Variants in CLMN observed in about 807,000 individuals in gnomAD.
CLMN encodes the protein calmin (calponin-like, transmembrane).
CLMN carries 57 observed loss-of-function variants against 92.7 expected under a neutral mutation model. The ratio of observed to expected loss-of-function variants is 0.61; its 90% CI spans 0.50 to 0.77. The LOEUF is 0.77. CLMN is among the 30% of genes least tolerant of loss of function. The pLI is 0.00. For synonymous variants in CLMN, 466 were observed against 470.6 expected, an observed-to-expected ratio of 0.99 and a Z score of 0.13; for missense variants, 1,158 against 1,237.5, an observed-to-expected ratio of 0.94 and a Z score of 0.96.
intron 2 of CLMN, among the ~76,000 whole-genome samples, chr14:95,225,889 G>C (rs576451225): frequency 1.3e-5 from 2 of 152,206 alleles, no homozygotes; most frequent in African/African-American, 2.4e-5. Context: ...GGTTCCACAC[G>C]GTATCTGCTA....
rs917961164 is a variant in CLMN, at chr14:95,219,323, C to T, written c.324+2368G>A. ...CAATACGGTGGAAGGAAGAGCAGCACGAATCTGAGGAGGCTGTTTGAAGGC... is the reference window on the plus strand; with the variant it reads ...CAATACGGTGGAAGGAAGAGCAGCATGAATCTGAGGAGGCTGTTTGAAGGC... On this transcript the variant is annotated intron_variant, in intron 4 of 12. Coordinates refer to ENST00000298912, the MANE Select transcript of CLMN (RefSeq NM_024734.4). 3.3e-5 allele frequency among the ~76,000 whole-genome samples: 5 copies of T among 152,160 alleles called. No individual in the cohort carries two copies. The East Asian group carries it at 7.7e-4, about 23-fold the overall frequency.
intron 1 of CLMN, among the ~76,000 whole-genome samples, chr14:95,233,704 C>A (rs1354095305): frequency 6.6e-6 from 1 of 152,188 alleles, no homozygotes; most frequent in African/African-American, 2.4e-5. Context: ...TGACTTCAGA[C>A]CCCGTGAGGT....
chr14:95,278,454 A>G (rs1900017167), intron 1 of CLMN, among the ~76,000 whole-genome samples: 1 of 151,984 alleles, frequency 6.6e-6, no homozygotes, highest in African/African-American at 2.4e-5. Context: ...ATGAGAGGAC[A>G]TAAGATAATT....
At chr14:95,245,282 AGTTTT>A (rs146369862) in intron 1 of CLMN, among the ~76,000 whole-genome samples, 1,918 of 74,456 alleles carry the variant, frequency 0.026, 81 homozygotes, top group African/African-American at 0.083. Context: ...ATATATATAT[AGTTTT>A]GTTTTGTTTT....
At position 95,191,721 on chromosome 14, in the gene CLMN, C is replaced by T; in HGVS notation, c.2852G>A (p.Ser951Asn). Residue 951 changes from serine to asparagine, a missense_variant, in exon 13 of 13, where the codon AGC becomes AAC. Transcript: ENST00000298912. The surrounding 1 kb of genome is among the most constrained non-coding windows in gnomAD (Gnocchi z 5.3). ...CCCCAGTGACATGGCTTCTCCTGAGCTGTTGGCCTTCCTACAGAAGAAACA... is the reference window on the plus strand; with the variant it reads ...CCCCAGTGACATGGCTTCTCCTGAGTTGTTGGCCTTCCTACAGAAGAAACA... ...RNRILTRKAN[S>N]SGEAMSLGSH... 6.2e-7 allele frequency: 1 copy of T among 1,606,256 alleles called. No individual in the cohort carries two copies. The highest frequency in any genetic ancestry group is 8.5e-7 in the Non-Finnish European group (1 of 1,177,712).
chr14:95,249,897 G>A (rs957700588), intron 1 of CLMN, among the ~76,000 whole-genome samples: 5 of 152,148 alleles, frequency 3.3e-5, no homozygotes, highest in Admixed American at 2.0e-4. Context: ...CCATTTCCCA[G>A]CCTTCTTGCA....
chr14:95,210,095 C>T (rs1182298182), intron 7 of CLMN, among the ~76,000 whole-genome samples: 1 of 152,138 alleles, frequency 6.6e-6, no homozygotes, highest in African/African-American at 2.4e-5. Context: ...CTCTGTCGCC[C>T]AGGCTGGAGT....
At chr14:95,201,155 T>C (rs991257431) in intron 9 of CLMN, among the ~76,000 whole-genome samples, 1 of 151,744 alleles carries the variant, frequency 6.6e-6, no homozygotes, top group African/African-American at 2.4e-5. Context: ...ACTTAAAGTA[T>C]AATAAAAAAA....
At chr14:95,297,918 T>C (rs1391810477) in intron 1 of CLMN, among the ~76,000 whole-genome samples, 1 of 152,106 alleles carries the variant, frequency 6.6e-6, no homozygotes, top group Non-Finnish European at 1.5e-5. Flanking sequence ...CCATTTCCCT[T>C]GGCAAATACC....
At chr14:95,274,059 C>T (rs1354444497) in intron 1 of CLMN, among the ~76,000 whole-genome samples, 1 of 152,142 alleles carries the variant, frequency 6.6e-6, no homozygotes, top group Non-Finnish European at 1.5e-5. Flanking sequence ...TGTCATTACC[C>T]GGGTTCTGGC....
At position 95,191,841 on chromosome 14, in the gene CLMN, C is replaced by A; in HGVS notation, c.2841-109G>T. On this transcript the variant is annotated intron_variant, in intron 12 of 12. Coordinates refer to ENST00000298912, the MANE Select transcript of CLMN (RefSeq NM_024734.4). The surrounding 1 kb of genome is among the most constrained non-coding windows in gnomAD (Gnocchi z 5.3). Reference sequence around the variant, plus strand: ...CGGCCCCCACTCCCCGCCTGAAGACCCGAAGGCTCCCCAGCACCATGTCCA... The same window carrying A: ...CGGCCCCCACTCCCCGCCTGAAGACACGAAGGCTCCCCAGCACCATGTCCA... 3 of 1,030,064 alleles carry A rather than the reference C, an allele frequency of 2.9e-6. No individual in the cohort carries two copies. Among genetic ancestry groups the A allele is most frequent in the Non-Finnish European group, 4.2e-6 (3 of 716,090 alleles). The allele number at this position is 1,030,064 out of a possible 1,614,324, so 63.8% of individuals were successfully genotyped here.
At chr14:95,229,948 T>A (rs1897830953) in intron 2 of CLMN, 124 bp downstream of exon 2, 2 of 911,476 alleles carry the variant, frequency 2.2e-6, no homozygotes, top group East Asian at 5.1e-5. Flanking sequence ...GAGGCACTTA[T>A]AAATGTTTAA....
chr14:95,202,924 G>T lies in CLMN; in HGVS notation c.2425C>A (p.Pro809Thr). 6.2e-7 allele frequency: 1 copy of T among 1,608,852 alleles called. No homozygotes were observed. The highest frequency in any genetic ancestry group is 8.5e-7 in the Non-Finnish European group (1 of 1,178,182). ...YLSRGGVGTTPASEPAPLAPH... is the reference protein window; with the variant it reads ...YLSRGGVGTTTASEPAPLAPH... ...GCCAGTGGAGCGGGTTCTGAGGCTG[G>T]TGTGGTACCCACACCACCCCTGCTG... Residue 809 changes from proline (P) to threonine (T), a missense_variant, in exon 9 of 13, where the codon CCA becomes ACA. Transcript: ENST00000298912.
At chr14:95,287,064 T>C (rs1900372651) in intron 1 of CLMN, among the ~76,000 whole-genome samples, 1 of 152,188 alleles carries the variant, frequency 6.6e-6, no homozygotes, top group Non-Finnish European at 1.5e-5. Flanking sequence ...TCACCTTCAC[T>C]AGAATCCCAG....
chr14:95,316,115 A>G (rs76280535), intron 1 of CLMN, among the ~76,000 whole-genome samples: 7,090 of 152,334 alleles, frequency 0.047, 788 homozygotes, highest in East Asian at 0.45. Context: ...GAAGGACACC[A>G]GAGCCCCCAG....
In CLMN at chr14:95,183,563, C is replaced by A. The variant is rs917574402; in HGVS notation, c.*8001G>T. 1 of 152,214 alleles carries A rather than the reference C, an allele frequency of 6.6e-6. No homozygotes were observed. The highest frequency in any genetic ancestry group is 2.4e-5 in the African/African-American group (1 of 41,454). 9.4% of individuals were successfully genotyped at this position (152,214 alleles called of 1,614,324 possible). On this transcript the variant is annotated 3_prime_UTR_variant, in exon 13 of 13. Transcript: ENST00000298912. ...CCATTTTAATTACACTGCCCTCAGGCCTTCTCTACTTTTCTTTTTGAAGGA... is the reference window on the plus strand; with the variant it reads ...CCATTTTAATTACACTGCCCTCAGGACTTCTCTACTTTTCTTTTTGAAGGA...
At chr14:95,249,516 C>A (rs1157562776) in intron 1 of CLMN, among the ~76,000 whole-genome samples, 2 of 152,170 alleles carry the variant, frequency 1.3e-5, no homozygotes, top group Non-Finnish European at 2.9e-5. Context: ...TGGACCGAGA[C>A]AGATGCTGCT....
chr14:95,264,936 T>C (rs1010723033), intron 1 of CLMN, among the ~76,000 whole-genome samples: 47 of 115,428 alleles, frequency 4.1e-4, no homozygotes, highest in African/African-American at 1.6e-3. Context: ...TCTCCATCTC[T>C]ACCAAAAAAA....
chr14:95,229,538 G>A (rs1221324003), intron 2 of CLMN, among the ~76,000 whole-genome samples: 1 of 152,178 alleles, frequency 6.6e-6, no homozygotes. Context: ...TCTGATAGGA[G>A]GGGGGTAATT....
Sources: allele counts gnomAD v4.1 joint callset (sites outside exome capture counted in the v4.1 genomes callset), GRCh38; gene constraint gnomAD v4.1.1; non-coding constraint Gnocchi (gnomAD v3.1); transcripts MANE v1.5; gene names NCBI Gene and HGNC (gene_info 2026-07-23, HGNC 2026-07-21).